CENPP: variants seen among roughly 807,000 people sequenced by gnomAD.
CENPP encodes centromere protein P.
Under a neutral mutation model 35.6 loss-of-function variants are expected in CENPP, and 24 were observed. The ratio of observed to expected loss-of-function variants is 0.67; its 90% CI spans 0.49 to 0.95. CENPP has a LOEUF of 0.95. Ranked by LOEUF, CENPP falls within the 40% of genes least tolerant of loss-of-function variation. The probability of loss-of-function intolerance (pLI) is 0.00; values close to 1 mark genes in which losing one functional copy is unlikely to be tolerated. For synonymous variants in CENPP, 120 were observed against 125.5 expected (o/e 0.96, Z 0.29); for missense variants, 332 against 345.3 (o/e 0.96, Z 0.31).
chr9:92,398,877 C>G (rs964528493), intron 5 of CENPP, among the ~76,000 whole-genome samples: 3 of 152,032 alleles, frequency 2.0e-5, no homozygotes, highest in Non-Finnish European at 4.4e-5. Context: ...GCCTGACCAA[C>G]ATGGTGAAAC....
chr9:92,445,085 T>C (rs990923450), intron 5 of CENPP, among the ~76,000 whole-genome samples: 6 of 152,136 alleles, frequency 3.9e-5, no homozygotes, highest in Non-Finnish European at 4.4e-5. Flanking sequence ...GCTTCTGCAC[T>C]AAACCCTCTG....
chr9:92,525,337 A>G (rs1848325879), intron 5 of CENPP, among the ~76,000 whole-genome samples: 1 of 151,942 alleles, frequency 6.6e-6, no homozygotes, highest in Non-Finnish European at 1.5e-5. Context: ...AAAAGAAAAG[A>G]AAAAACCTGA....
chr9:92,608,946 C>T (rs970933010), intron 5 of CENPP, among the ~76,000 whole-genome samples: 1 of 152,224 alleles, frequency 6.6e-6, no homozygotes, highest in Non-Finnish European at 1.5e-5. Context: ...TCGGGCCCCA[C>T]GTTGGAGCTG....
chr9:92,416,872 A>T, intron 5 of CENPP: 1 of 1,614,044 alleles, frequency 6.2e-7, no homozygotes, highest in Non-Finnish European at 8.5e-7. Context: ...AAGGCAAACC[A>T]GGAGGCATTG....
At chr9:92,426,406 AT>A (rs1843968261) in intron 5 of CENPP, among the ~76,000 whole-genome samples, 1 of 152,164 alleles carries the variant, frequency 6.6e-6, no homozygotes, top group Non-Finnish European at 1.5e-5. Flanking sequence ...TTTTCTGCTC[AT>A]TTGTTCCACT....
At chr9:92,459,623 A>G (rs759341355) in intron 5 of CENPP, 4 of 1,611,364 alleles carry the variant, frequency 2.5e-6, no homozygotes, top group Non-Finnish European at 3.4e-6. Context: ...CACAAGTAGA[A>G]TGTTTTACCT....
intron 5 of CENPP, among the ~76,000 whole-genome samples, chr9:92,434,385 T>C (rs1009294856): frequency 1.5e-5 from 2 of 130,652 alleles, no homozygotes; most frequent in African/African-American, 6.7e-5. Flanking sequence ...CGAGACTCTG[T>C]CTCAAAAAAA....
chr9:92,493,409 T>G (rs921456177), intron 5 of CENPP: 2 of 152,190 alleles, frequency 1.3e-5, no homozygotes, highest in African/African-American at 4.8e-5. Context: ...GTGTAGTTAT[T>G]TCATTATACC....
At chr9:92,344,896 C>T (rs958619780) in intron 3 of CENPP, among the ~76,000 whole-genome samples, 2 of 149,092 alleles carry the variant, frequency 1.3e-5, no homozygotes, top group Admixed American at 1.3e-4. Flanking sequence ...CGGCCAGGCG[C>T]GGTGGCTCCC....
chr9:92,563,763 T>G (rs1849899541), intron 5 of CENPP, among the ~76,000 whole-genome samples: 5 of 145,506 alleles, frequency 3.4e-5, no homozygotes, highest in South Asian at 2.3e-4. Flanking sequence ...CCTCCCCCTC[T>G]TCCTCCCCCC....
chr9:92,418,976 G>A (rs1843702549), intron 5 of CENPP, among the ~76,000 whole-genome samples: 1 of 151,990 alleles, frequency 6.6e-6, no homozygotes, highest in Admixed American at 6.6e-5. Flanking sequence ...TTAAGTTTTA[G>A]ATACAAAAAT....
chr9:92,568,955 A>G (rs1006967729), intron 5 of CENPP, among the ~76,000 whole-genome samples: 2 of 151,746 alleles, frequency 1.3e-5, no homozygotes, highest in East Asian at 1.9e-4. Context: ...AAATTTGTTT[A>G]AGTACTTTGT....
At chr9:92,411,132 C>T (rs1406687152) in intron 5 of CENPP, among the ~76,000 whole-genome samples, 1 of 152,074 alleles carries the variant, frequency 6.6e-6, no homozygotes, top group Non-Finnish European at 1.5e-5. Context: ...GCCACCACGC[C>T]CAGCTACTTT....
intron 5 of CENPP, among the ~76,000 whole-genome samples, chr9:92,475,942 C>G (rs1385598512): frequency 6.6e-6 from 1 of 152,158 alleles, no homozygotes; most frequent in Non-Finnish European, 1.5e-5. Context: ...GATTTATTGC[C>G]ATATTTACAT....
intron 5 of CENPP, chr9:92,536,016 A>C (rs1346759533): frequency 2.0e-6 from 1 of 511,036 alleles, no homozygotes; most frequent in Non-Finnish European, 3.9e-6. Flanking sequence ...CTTTCTTTAA[A>C]AACAAAGAAA....
intron 4 of CENPP, among the ~76,000 whole-genome samples, chr9:92,378,164 A>G (rs1462636969): frequency 6.6e-6 from 1 of 151,688 alleles, no homozygotes; most frequent in African/African-American, 2.4e-5. Flanking sequence ...GGAGGTGAGG[A>G]CTCTGCTTTG....
intron 5 of CENPP, among the ~76,000 whole-genome samples, chr9:92,550,624 T>C (rs1390034581): frequency 1.3e-5 from 2 of 152,110 alleles, no homozygotes; most frequent in African/African-American, 4.8e-5. Context: ...GAAGTATTTC[T>C]AGATAGTTAT....
At chr9:92,450,415 G>A (rs910554406) in intron 5 of CENPP, among the ~76,000 whole-genome samples, 2 of 151,982 alleles carry the variant, frequency 1.3e-5, no homozygotes, top group Non-Finnish European at 2.9e-5. Context: ...TCCCTACAAA[G>A]GACATGAACT....
Position 92,425,726 on chromosome 9 carries a change from A to G in CENPP, c.564+45867A>G, listed in dbSNP as rs183395747. Among the ~76,000 whole-genome samples the G allele has an allele frequency of 2.6e-3, 393 of 152,340 alleles. 2 individuals carry two copies. Among genetic ancestry groups the G allele is most frequent in the African/African-American group, 8.8e-3 (366 of 41,590 alleles). ...GATGCTTTGGCAGTTGTAAAAATCT[A>G]GTCTATTATTTGAGACATTGGTATG... On this transcript the variant is annotated intron_variant, in intron 5 of 7. Coordinates refer to ENST00000375587, the MANE Select transcript of CENPP (RefSeq NM_001012267.3).
Sources: allele counts gnomAD v4.1 joint callset (sites outside exome capture counted in the v4.1 genomes callset), GRCh38; gene constraint gnomAD v4.1.1; transcripts MANE v1.5; gene names NCBI Gene and HGNC (gene_info 2026-07-23, HGNC 2026-07-21).